ABCA4: variants seen among roughly 807,000 people sequenced by gnomAD.
ABCA4 encodes retinal-specific phospholipid-transporting ATPase ABCA4.
A neutral mutation model predicts 263.7 loss-of-function variants in ABCA4; 196 were observed. The observed-to-expected ratio is 0.74, with a 90% CI of 0.66 to 0.84. The LOEUF (loss-of-function observed/expected upper bound fraction) is 0.84. ABCA4 is among the 40% of genes least tolerant of loss of function. The pLI is 0.00. For missense variants in ABCA4, 2,792 were observed against 2,855.1 expected (o/e 0.98, Z 0.50); for synonymous variants, 1,133 against 1,094.2 (o/e 1.04, Z -0.70).
In ABCA4 at chr1:94,005,432, A is replaced by C. The variant is rs778917656; in HGVS notation, c.6147+9T>G. On this transcript the variant is annotated intron_variant, in intron 44 of 49. Transcript: ENST00000370225. ...GACTCCTATGTGGCCACAACAAAAC[A>C]TTTTTCACCTTTTCGATTTCTTCTG... is the stretch of plus-strand genomic sequence containing the variant. The C allele has an allele frequency of 1.9e-6, 3 of 1,613,820 alleles. No individual in the cohort carries two copies. In the South Asian group the frequency reaches 3.3e-5, roughly 18 times the overall value.
At chr1:93,997,717 T>C in intron 48 of ABCA4, 144 bp downstream of exon 48, 1 of 1,025,030 alleles carries the variant, frequency 9.8e-7, no homozygotes, top group South Asian at 1.5e-5. Flanking sequence ...ATTTCTGATA[T>C]ATCAGCTTTT....
At chr1:94,095,619 C>G (rs572200597) in intron 6 of ABCA4, among the ~76,000 whole-genome samples, 5 of 152,218 alleles carry the variant, frequency 3.3e-5, no homozygotes, top group African/African-American at 1.2e-4. Context: ...ATGCTCCTTT[C>G]AGAGGATCGG....
chr1:94,090,098 T>A (rs891549026), intron 6 of ABCA4, among the ~76,000 whole-genome samples: 1 of 151,964 alleles, frequency 6.6e-6, no homozygotes, highest in Admixed American at 6.6e-5. Flanking sequence ...CTTGGGGATG[T>A]GGGGGAAACA....
In ABCA4 at chr1:94,056,735, G is replaced by A. The variant is rs1220683379; in HGVS notation, c.2248C>T (p.Leu750=). 6.2e-7 allele frequency: 1 copy of A among 1,613,946 alleles called. No homozygotes were observed. The highest frequency in any genetic ancestry group is 1.3e-5 in the African/African-American group (1 of 75,062). The change falls in exon 15 of 50, where the codon CTG becomes TTG. Residue 750 remains leucine, a synonymous_variant. Coordinates refer to ENST00000370225, the MANE Select transcript of ABCA4 (RefSeq NM_000350.3). ...FSTATIMLCF[L]LSTFFSKASL... is the part of the protein sequence containing the mutation. ...GCCTTGGAGAAGAAGGTGCTGAGCA[G>A]AAAGCACAGCATGATGGTGGCAGTG...
chr1:94,081,550 A>C (rs1661703067), intron 7 of ABCA4, among the ~76,000 whole-genome samples: 1 of 152,172 alleles, frequency 6.6e-6, no homozygotes, highest in Admixed American at 6.5e-5. Context: ...TTTACCAATG[A>C]ATTCTTCCAT....
chr1:94,019,502 T>C (rs1260819758), intron 36 of ABCA4, 80 bp downstream of exon 36: 1 of 1,480,278 alleles, frequency 6.8e-7, no homozygotes, highest in Non-Finnish European at 9.1e-7. Flanking sequence ...CCCTCCCCTC[T>C]TGGTCTGGTC....
chr1:94,121,115 G>A lies in ABCA4; in HGVS notation c.-70C>T, dbSNP rs1177500400. The A allele has an allele frequency of 5.6e-5, 80 of 1,437,676 alleles. No individual in the cohort carries two copies. The highest frequency in any genetic ancestry group is 4.6e-4 in the South Asian group (40 of 87,484). 89.1% of individuals were successfully genotyped at this position (1,437,676 alleles called of 1,614,324 possible). A position where few individuals can be genotyped will look rare whatever the true frequency, so the allele number is the denominator to read the frequency against. The stretch of plus-strand genomic sequence containing the variant: ...TCAGACAGCAAAGGACATAAACGCC[G>A]TTAAGAGCGCCTCTGGCTCCGGACG... On this transcript the variant is annotated 5_prime_UTR_variant, in exon 1 of 50. In the 5' UTR this introduces an upstream ATG that the reference lacks. Coordinates refer to ENST00000370225, the MANE Select transcript of ABCA4 (RefSeq NM_000350.3).
chr1:94,017,084 C>T (rs1314476783), intron 36 of ABCA4, among the ~76,000 whole-genome samples: 1 of 152,074 alleles, frequency 6.6e-6, no homozygotes, highest in Non-Finnish European at 1.5e-5. Context: ...CATTGATTAA[C>T]ACATGAACCA....
intron 49 of ABCA4, 95 bp downstream of exon 49, chr1:93,995,997 CTCTCTGTAGGAGGCATA>C: frequency 1.1e-6 from 1 of 911,862 alleles, no homozygotes; most frequent in Non-Finnish European, 1.7e-6. Context: ...GTGGGTGGGG[CTCTCTGTAGGAGGCATA>C]TCTGAGCCTT....
At position 94,043,471 on chromosome 1, in the gene ABCA4, T is replaced by C. The variant is rs61749457; in HGVS notation, c.3055A>G (p.Thr1019Ala). Residue 1019 changes from threonine (T) to alanine (A), a missense_variant, in exon 21 of 50, where the codon ACG (threonine) becomes GCG (alanine). Physicochemically the swap from Thr to Ala is moderately conservative, Grantham distance 58. Transcript: ENST00000370225. ...TAGAACAGCATGTGCTCAGCCACCG[T>C]GAGGCTAGGAGGATGGGACAACGAG... Reference protein sequence around the residue: ...PQHNILFHHLTVAEHMLFYAQ... With the variant: ...PQHNILFHHLAVAEHMLFYAQ... 1 of 1,614,150 alleles carries C rather than the reference T, an allele frequency of 6.2e-7. No homozygotes were observed. Among genetic ancestry groups the C allele is most frequent in the East Asian group, 2.2e-5 (1 of 44,872 alleles).
intron 1 of ABCA4, among the ~76,000 whole-genome samples, chr1:94,116,979 T>TTTCTTTCC (rs1440963375): frequency 1.8e-5 from 2 of 110,088 alleles, no homozygotes; most frequent in African/African-American, 3.5e-5. Flanking sequence ...TCTTTCTTTC[T>TTTCTTTCC]TTCTTTCTTT....
Position 94,060,583 on chromosome 1 carries a change from A to T in ABCA4, c.2114T>A (p.Phe705Tyr), listed in dbSNP as rs1661095335. The change falls in exon 14 of 50, where the codon TTC becomes TAC. Residue 705 changes from phenylalanine to tyrosine, a missense_variant. Coordinates refer to ENST00000370225, the MANE Select transcript of ABCA4 (RefSeq NM_000350.3). ...VIWCTWFLDSFSIMSMSIFLL... is the reference protein window; with the variant it reads ...VIWCTWFLDSYSIMSMSIFLL... Reference sequence around the variant, plus strand: ...GAAGATGCTCATCGACATGATGGAGAAGCTGTCCAGGAACCAGGTACACCA... The same window carrying T: ...GAAGATGCTCATCGACATGATGGAGTAGCTGTCCAGGAACCAGGTACACCA... The T allele has an allele frequency of 6.2e-7, 1 of 1,614,172 alleles. No individual in the cohort carries two copies. Among genetic ancestry groups the T allele is most frequent in the Non-Finnish European group, 8.5e-7 (1 of 1,180,040 alleles).
In ABCA4 at chr1:94,043,450, A is replaced by G. The variant is rs369703217; in HGVS notation, c.3076T>C (p.Phe1026Leu). 5.0e-5 allele frequency: 80 copies of G among 1,614,172 alleles called. No homozygotes were observed. The African/African-American group carries it at 1.0e-3, about 20-fold the overall frequency. Residue 1026 changes from phenylalanine (F) to leucine (L), a missense_variant, in exon 21 of 50, where the codon TTC (phenylalanine) becomes CTC (leucine). Coordinates refer to ENST00000370225, the MANE Select transcript of ABCA4 (RefSeq NM_000350.3). ...GACTTTCCTTTCAGCTGGGCATAGA[A>G]CAGCATGTGCTCAGCCACCGTGAGG... is the stretch of plus-strand genomic sequence containing the variant. Reference protein sequence around the residue: ...HHLTVAEHMLFYAQLKGKSQE... With the variant: ...HHLTVAEHMLLYAQLKGKSQE...
At chr1:94,089,142 T>C (rs1661908216) in intron 6 of ABCA4, among the ~76,000 whole-genome samples, 1 of 152,248 alleles carries the variant, frequency 6.6e-6, no homozygotes, top group African/African-American at 2.4e-5. Context: ...CAGATCTCTG[T>C]CTATCTATAG....
chr1:93,996,168 T>C lies in ABCA4; in HGVS notation c.6757A>G (p.Thr2253Ala), dbSNP rs887287405. The C allele has an allele frequency of 3.1e-6, 5 of 1,614,064 alleles. No homozygotes were observed. The highest frequency in any genetic ancestry group is 4.2e-6 in the Non-Finnish European group (5 of 1,180,038). Residue 2253 changes from threonine (T) to alanine (A), a missense_variant, in exon 49 of 50, where the codon ACT becomes GCT. Transcript: ENST00000370225. ...TGCAGAGGGAGGTCATGACTTTCAG[T>C]CTGCTGTTTAGCAAAATTTACAAAC... is the stretch of plus-strand genomic sequence containing the variant. ...QVFVNFAKQQ[T>A]ESHDLPLHPR...
chr1:94,004,798 T>A (rs764236101), intron 44 of ABCA4, among the ~76,000 whole-genome samples: 1 of 152,258 alleles, frequency 6.6e-6, no homozygotes, highest in Non-Finnish European at 1.5e-5. Flanking sequence ...TTCTTGTTGA[T>A]CACCAAATTC....
At chr1:94,101,924 T>C (rs1366044997) in intron 5 of ABCA4, among the ~76,000 whole-genome samples, 2 of 152,178 alleles carry the variant, frequency 1.3e-5, no homozygotes, top group African/African-American at 4.8e-5. Context: ...GCCCTGATAA[T>C]TTGCATTCCT....
chr1:94,094,208 C>A (rs1159847843), intron 6 of ABCA4, among the ~76,000 whole-genome samples: 3 of 152,306 alleles, frequency 2.0e-5, no homozygotes, highest in African/African-American at 7.2e-5. Flanking sequence ...GTTTAACAAT[C>A]TGCAACCAAT....
chr1:94,078,857 C>A, intron 9 of ABCA4, 151 bp from the exon 10 acceptor site: 1 of 715,214 alleles, frequency 1.4e-6, no homozygotes, highest in East Asian at 2.6e-5. Context: ...TGCTATTTCC[C>A]AGAACAATTC....
Sources: allele counts gnomAD v4.1 joint callset (sites outside exome capture counted in the v4.1 genomes callset), GRCh38; gene constraint gnomAD v4.1.1; transcripts MANE v1.5; gene names NCBI Gene and HGNC (gene_info 2026-07-23, HGNC 2026-07-21).